DLAT: variants seen among roughly 807,000 people sequenced by gnomAD.
DLAT encodes dihydrolipoamide S-acetyltransferase.
DLAT carries 43 observed loss-of-function variants against 68.0 expected under a neutral mutation model. The observed-to-expected ratio is 0.63, with a 90% CI of 0.50 to 0.81. The LOEUF is 0.81. DLAT is among the 40% of genes least tolerant of loss of function. The probability of loss-of-function intolerance (pLI) is 0.00; values close to 1 mark genes in which losing one functional copy is unlikely to be tolerated. For synonymous variants in DLAT, 265 were observed against 288.6 expected (o/e 0.92, Z 0.83); for missense variants, 745 against 815.4 (o/e 0.91, Z 1.05).
rs1555181335 is a variant in DLAT, at chr11:112,045,125, T to G, written c.1198-13T>G. 3.1e-6 allele frequency: 5 copies of G among 1,611,534 alleles called. No individual in the cohort carries two copies. Among genetic ancestry groups the G allele is most frequent in the South Asian group, 1.1e-5 (1 of 91,034 alleles). ...AATCACAGTTACTAAGAGCTTTTTC[T>G]TTCCTCCCATAGGCTCCGGCAGCTG... On this transcript the variant is annotated splice_polypyrimidine_tract_variant and intron_variant, in intron 8 of 13. Transcript: ENST00000280346.
rs148561787 is a variant in DLAT, at chr11:112,028,420, CAAAA to C, written c.382-73_382-70del. 0.026 allele frequency: 20,841 copies of C among 797,036 alleles called. 12 individuals are homozygous for C. The highest frequency in any genetic ancestry group is 0.068 in the African/African-American group (2,688 of 39,620). The allele number at this position is 797,036 out of a possible 1,614,324, so 49.4% of individuals were successfully genotyped here. A position where few individuals can be genotyped will look rare whatever the true frequency, so the allele number is the denominator to read the frequency against. On this transcript the variant is annotated intron_variant, in intron 2 of 13. Transcript: ENST00000280346. ...GGTGACAGAATGAGACTCTGTGTCT[CAAAA>C]AAAAAAAAAAAAAAAAAAAAATTCT...
At chr11:112,037,978 C>T (rs975890089) in intron 6 of DLAT, among the ~76,000 whole-genome samples, 7 of 152,036 alleles carry the variant, frequency 4.6e-5, no homozygotes, top group Non-Finnish European at 1.0e-4. Flanking sequence ...CTTGTTTTGC[C>T]TAGAATTTAT....
rs1863414088 is a variant in DLAT at position 112,047,984 on chromosome 11, T to G, written c.1398+2014T>G. 2.0e-5 allele frequency among the ~76,000 whole-genome samples: 3 copies of G among 152,200 alleles called. No individual in the cohort carries two copies. In the South Asian group the frequency reaches 6.2e-4, roughly 31 times the overall value. On this transcript the variant is annotated intron_variant, in intron 10 of 13. Transcript: ENST00000280346. ...GTTCCATATGAAATTTAAAGTAGTTTTTTTCTAATTCTGTGAAGAAAGTCA... is the reference window on the plus strand; with the variant it reads ...GTTCCATATGAAATTTAAAGTAGTTGTTTTCTAATTCTGTGAAGAAAGTCA...
intron 10 of DLAT, among the ~76,000 whole-genome samples, chr11:112,050,285 G>A (rs967247385): frequency 3.3e-5 from 5 of 150,234 alleles, no homozygotes; most frequent in Admixed American, 2.0e-4. Flanking sequence ...TTTTGTTGAA[G>A]ATTTTTACAT....
intron 7 of DLAT, among the ~76,000 whole-genome samples, chr11:112,041,314 T>C (rs1863041146): frequency 6.6e-6 from 1 of 152,184 alleles, no homozygotes; most frequent in Non-Finnish European, 1.5e-5. Context: ...TTTTTGTTAT[T>C]AAATAAGATG....
At chr11:112,049,967 C>G (rs539460) in intron 10 of DLAT, among the ~76,000 whole-genome samples, 2 of 152,270 alleles carry the variant, frequency 1.3e-5, no homozygotes, top group Non-Finnish European at 2.9e-5. Context: ...GTCTTGTTCT[C>G]GATCTTTGGG....
At chr11:112,060,123 T>G in intron 12 of DLAT, 58 bp downstream of exon 12, 2 of 1,495,768 alleles carry the variant, frequency 1.3e-6, no homozygotes, top group Non-Finnish European at 1.8e-6. Flanking sequence ...CATAATGCAT[T>G]TATTGCATTT....
intron 10 of DLAT, among the ~76,000 whole-genome samples, chr11:112,047,763 T>A (rs1169574779): frequency 6.6e-6 from 1 of 152,196 alleles, no homozygotes; most frequent in Non-Finnish European, 1.5e-5. Flanking sequence ...TTGTCAAAAA[T>A]CAGATGGTTG....
At position 112,025,572 on chromosome 11, in the gene DLAT, G is replaced by T. The variant is rs1861941913; in HGVS notation, c.100G>T (p.Val34Leu). 6.2e-7 allele frequency: 1 copy of T among 1,613,928 alleles called. No homozygotes were observed. Among genetic ancestry groups the T allele is most frequent in the African/African-American group, 1.3e-5 (1 of 74,940 alleles). The change falls in exon 1 of 14, where the codon GTG (valine) becomes TTG (leucine). Residue 34 changes from valine to leucine, a missense_variant. By Grantham distance (32) the Val-to-Leu change is conservative. Transcript: ENST00000280346. ...ALQEVPGTPRVTSRSGPAPAR... is the reference protein window; with the variant it reads ...ALQEVPGTPRLTSRSGPAPAR... ...GCAGGAGGTACCCGGAACTCCACGA[G>T]TGACCTCGCGATCTGGCCCGGCTCC...
rs1021786008 is a variant in DLAT at position 112,053,876 on chromosome 11, G to A, written c.1514+2527G>A. On this transcript the variant is annotated intron_variant, in intron 11 of 13. Transcript: ENST00000280346. ...ATTTTACTTTATTGACTGACTCCCC[G>A]TTAAAGAACATTAATATTTAGCTTT... Among the ~76,000 whole-genome samples the A allele has an allele frequency of 8.6e-5, 13 of 151,870 alleles. No individual in the cohort carries two copies. The East Asian group carries it at 1.4e-3, about 16-fold the overall frequency.
Position 112,064,351 on chromosome 11 carries a change from G to C in DLAT, c.*1816G>C. 1.4e-6 allele frequency: 1 copy of C among 727,690 alleles called. No individual in the cohort carries two copies. Among genetic ancestry groups the C allele is most frequent in the Non-Finnish European group, 2.1e-6 (1 of 479,326 alleles). 45.1% of individuals were successfully genotyped at this position (727,690 alleles called of 1,614,324 possible). On this transcript the variant is annotated 3_prime_UTR_variant, in exon 14 of 14. Transcript: ENST00000280346. The stretch of plus-strand genomic sequence containing the variant: ...AAAAAAGTTAGAAATAGTGTTTTTG[G>C]TTCATATGATTATTTAAAAATTAAA...
chr11:112,051,424 G>T lies in DLAT; in HGVS notation c.1514+75G>T. ...ATTTAATGTGTGAGTGGAGTTGAGG[G>T]GATAAGGAGAAATGGAATACAGAGA... On this transcript the variant is annotated intron_variant, in intron 11 of 13. Transcript: ENST00000280346. The surrounding 1 kb of genome is among the most constrained non-coding windows in gnomAD (Gnocchi z 4.3). The T allele has an allele frequency of 9.2e-7, 1 of 1,084,688 alleles. No individual in the cohort carries two copies. The highest frequency in any genetic ancestry group is 1.3e-5 in the South Asian group (1 of 79,138). 67.2% of individuals were successfully genotyped at this position (1,084,688 alleles called of 1,614,324 possible).
chr11:112,045,307 C>A, intron 9 of DLAT, 77 bp downstream of exon 9: 2 of 1,206,940 alleles, frequency 1.7e-6, no homozygotes, highest in Non-Finnish European at 2.5e-6. Flanking sequence ...TAGTTTTTAA[C>A]ACATTAACAG....
rs1862832629 is a variant in DLAT at position 112,037,441 on chromosome 11, C to T, written c.956C>T (p.Pro319Leu). 1 of 1,613,906 alleles carries T rather than the reference C, an allele frequency of 6.2e-7. No homozygotes were observed. Among genetic ancestry groups the T allele is most frequent in the East Asian group, 2.2e-5 (1 of 44,888 alleles). ...GTAACAGATTTAAAACCACAAGTGC[C>T]ACCACCTACCCCACCCCCGGTAGGT... ...TEVTDLKPQV[P>L]PPTPPPVAAV... The change falls in exon 6 of 14, where the codon CCA becomes CTA. Residue 319 changes from proline to leucine, a missense_variant. Coordinates refer to ENST00000280346, the MANE Select transcript of DLAT (RefSeq NM_001931.5).
intron 2 of DLAT, among the ~76,000 whole-genome samples, chr11:112,026,954 A>G (rs1329652280): frequency 6.9e-6 from 1 of 145,646 alleles, no homozygotes; most frequent in Non-Finnish European, 1.5e-5. Flanking sequence ...TGACCCCCCC[A>G]CTTCCCTCCC....
rs148561787 is a variant in DLAT, at chr11:112,028,420, CA to C, written c.382-70del. On this transcript the variant is annotated intron_variant, in intron 2 of 13. Transcript: ENST00000280346. ...GGTGACAGAATGAGACTCTGTGTCT[CA>C]AAAAAAAAAAAAAAAAAAAAAAAAT... 0.12 allele frequency: 95,903 copies of C among 803,672 alleles called. 26 individuals carry two copies. Among genetic ancestry groups the C allele is most frequent in the Non-Finnish European group, 0.13 (73,185 of 565,722 alleles). 49.8% of individuals were successfully genotyped at this position (803,672 alleles called of 1,614,324 possible).
intron 8 of DLAT, among the ~76,000 whole-genome samples, chr11:112,044,287 T>C (rs951608777): frequency 1.7e-4 from 26 of 152,118 alleles, no homozygotes; most frequent in African/African-American, 6.3e-4. Flanking sequence ...CTCTGCCTCC[T>C]GGATTCAGGC....
At chr11:112,040,097 A>G (rs1192949938) in intron 7 of DLAT, among the ~76,000 whole-genome samples, 2 of 152,242 alleles carry the variant, frequency 1.3e-5, no homozygotes, top group African/African-American at 4.8e-5. Context: ...TTAGAACTGT[A>G]TCTAGCATAT....
chr11:112,038,418 C>T (rs1046202260), intron 6 of DLAT, among the ~76,000 whole-genome samples: 3 of 150,688 alleles, frequency 2.0e-5, no homozygotes, highest in Non-Finnish European at 3.0e-5. Context: ...AGGCTGGTCA[C>T]GAACTCCTGA....
Sources: gnomAD v4.1 joint callset for allele counts (sites outside exome capture counted in the v4.1 genomes callset) on GRCh38, gnomAD v4.1.1 for gene constraint, Gnocchi (gnomAD v3.1) non-coding constraint, MANE v1.5 for transcripts, NCBI Gene and HGNC (gene_info 2026-07-23, HGNC 2026-07-21) for gene names.